APP: variants seen among roughly 807,000 people sequenced by gnomAD.
The protein encoded by APP is amyloid-beta precursor protein.
APP carries 31 observed loss-of-function variants against 101.4 expected under a neutral mutation model. The observed-to-expected ratio is 0.31, with a 90% CI of 0.23 to 0.41. The LOEUF (loss-of-function observed/expected upper bound fraction) is 0.41. Among genes scored for constraint, APP ranks in the 10% least tolerant of loss-of-function variants. The pLI, the probability that APP is intolerant of heterozygous loss-of-function variation, is 1.00. For missense variants in APP, 839 were observed against 1,003.7 expected, an observed-to-expected ratio of 0.84 and a Z score of 2.22; for synonymous variants, 366 against 364.4, an observed-to-expected ratio of 1.00 and a Z score of -0.05.
In APP at chr21:26,170,668, C is replaced by A; in HGVS notation, c.-48G>T. 6.6e-7 allele frequency: 1 copy of A among 1,510,702 alleles called. No individual in the cohort carries two copies. The highest frequency in any genetic ancestry group is 8.8e-7 in the Non-Finnish European group (1 of 1,134,812). The allele number at this position is 1,510,702 out of a possible 1,614,324, so 93.6% of individuals were successfully genotyped here. A position where few individuals can be genotyped will look rare whatever the true frequency, so the allele number is the denominator to read the frequency against. ...AGTGCGCTGCTGTGCGAGTGGGATC[C>A]GCCGCGTCCTTGCTCTGCCCGCGCC... On this transcript the variant is annotated 5_prime_UTR_variant, in exon 1 of 18. Coordinates refer to ENST00000346798, the MANE Select transcript of APP (RefSeq NM_000484.4).
intron 1 of APP, among the ~76,000 whole-genome samples, chr21:26,121,474 A>T (rs2062569384): frequency 6.6e-6 from 1 of 151,556 alleles, no homozygotes; most frequent in Non-Finnish European, 1.5e-5. Flanking sequence ...TGCAACCTCC[A>T]CTTCCCTGGT....
chr21:26,111,087 T>TAAAAAAAAAAAAAAAA (rs576900084), intron 2 of APP, among the ~76,000 whole-genome samples: 1 of 88,478 alleles, frequency 1.1e-5, no homozygotes, highest in Non-Finnish European at 2.2e-5. Flanking sequence ...AAAGTTAAGT[T>TAAAAAAAAAAAAAAAA]AAAAAAAAAA....
At chr21:26,110,450 A>C (rs56034894) in intron 2 of APP, among the ~76,000 whole-genome samples, 20,346 of 152,170 alleles carry the variant, frequency 0.13, 1,762 homozygotes, top group Admixed American at 0.27. Context: ...CATCTCAAAA[A>C]AAAACAAAAC....
intron 5 of APP, among the ~76,000 whole-genome samples, chr21:26,048,740 T>C (rs942583261): frequency 4.2e-4 from 64 of 152,316 alleles, no homozygotes; most frequent in African/African-American, 1.2e-3. Flanking sequence ...AAGGGTAGTA[T>C]AGCAGAGCAA....
At chr21:26,069,204 A>G (rs1453708128) in intron 3 of APP, among the ~76,000 whole-genome samples, 1 of 152,164 alleles carries the variant, frequency 6.6e-6, no homozygotes, top group East Asian at 1.9e-4. Context: ...CTTTCTCAAT[A>G]GATACTTATC....
chr21:26,150,618 CAGAT>C (rs549065806), intron 1 of APP, among the ~76,000 whole-genome samples: 2 of 151,004 alleles, frequency 1.3e-5, no homozygotes, highest in African/African-American at 2.4e-5. Context: ...GATAGATAGA[CAGAT>C]AGATAGACAG....
At chr21:25,997,517 C>T (rs1036126493) in intron 7 of APP, 101 bp from the exon 8 acceptor site, 14 of 1,021,138 alleles carry the variant, frequency 1.4e-5, no homozygotes, top group Admixed American at 5.5e-5. Flanking sequence ...ACCTAACAAA[C>T]AAAATCACTC....
chr21:25,897,260 T>C (rs370986650), intron 16 of APP, among the ~76,000 whole-genome samples: 17 of 152,130 alleles, frequency 1.1e-4, no homozygotes, highest in South Asian at 2.1e-4. Context: ...CTACAGGTGT[T>C]TGCCACCACA....
chr21:26,158,787 T>C (rs2063426153), intron 1 of APP, among the ~76,000 whole-genome samples: 1 of 152,156 alleles, frequency 6.6e-6, no homozygotes, highest in African/African-American at 2.4e-5. Context: ...CCCACCCCAG[T>C]TCACCTTCAC....
At position 26,082,228 on chromosome 21, in the gene APP, A is replaced by AT. The variant is rs747290916; in HGVS notation, c.355+7714dup. ...GAGTGAAACTCCATCTCAAAAATGA[A>AT]TAAAATAAATAAATAAATAAATAAT... On this transcript the variant is annotated intron_variant, in intron 3 of 17. Transcript: ENST00000346798. Among the ~76,000 whole-genome samples the AT allele has an allele frequency of 1.5e-3, 218 of 140,762 alleles. 1 individual carries two copies. The highest frequency in any genetic ancestry group is 1.9e-3 in the Admixed American group (25 of 13,386). The allele number at this position is 140,762 out of a possible 152,430, so 92.3% of individuals were successfully genotyped here.
chr21:25,975,847 A>C, intron 10 of APP, 107 bp downstream of exon 10: 1 of 879,528 alleles, frequency 1.1e-6, no homozygotes. Flanking sequence ...TCATGGGACT[A>C]TGAACAATCA....
At chr21:26,075,349 CTACTTATTCACAATA>C (rs1161826014) in intron 3 of APP, among the ~76,000 whole-genome samples, 10 of 152,196 alleles carry the variant, frequency 6.6e-5, no homozygotes, top group African/African-American at 9.7e-5. Flanking sequence ...GCATCATGCA[CTACTTATTCACAATA>C]TAGCTGCACA....
intron 1 of APP, among the ~76,000 whole-genome samples, chr21:26,164,182 T>A (rs530446758): frequency 6.6e-6 from 1 of 152,176 alleles, no homozygotes. Context: ...GAGGCGGAGA[T>A]TGCAGTGAGC....
chr21:26,025,738 C>T (rs1269752120), intron 5 of APP, among the ~76,000 whole-genome samples: 7 of 152,290 alleles, frequency 4.6e-5, no homozygotes, highest in Admixed American at 2.6e-4. Flanking sequence ...TAACCAGGAA[C>T]GGAGACACGT....
intron 13 of APP, chr21:25,934,806 A>G (rs999921331): frequency 6.6e-6 from 1 of 152,188 alleles, no homozygotes; most frequent in Non-Finnish European, 1.5e-5. Flanking sequence ...GAGCTCTATG[A>G]TAATAGTCTA....
chr21:26,140,372 C>T, intron 1 of APP: 1 of 1,480,116 alleles, frequency 6.8e-7, no homozygotes, highest in Non-Finnish European at 8.9e-7. Flanking sequence ...CTACCACGCA[C>T]AGCAAGGCTG....
intron 3 of APP, among the ~76,000 whole-genome samples, chr21:26,084,428 C>T (rs1568953793): frequency 6.6e-6 from 1 of 152,078 alleles, no homozygotes; most frequent in South Asian, 2.1e-4. Context: ...TTAGTAGAGA[C>T]GGGGTTTCAC....
intron 3 of APP, among the ~76,000 whole-genome samples, chr21:26,078,285 T>C (rs1313885227): frequency 6.6e-6 from 1 of 152,334 alleles, no homozygotes; most frequent in South Asian, 2.1e-4. Flanking sequence ...ATTATAAAGA[T>C]ATGCTGTACC....
intron 1 of APP, among the ~76,000 whole-genome samples, chr21:26,132,060 C>A (rs2062808521): frequency 6.6e-6 from 1 of 151,824 alleles, no homozygotes; most frequent in Admixed American, 6.6e-5. Flanking sequence ...TAAACAGAGT[C>A]AGTTAAAAAA....
Sources: allele counts gnomAD v4.1 joint callset (sites outside exome capture counted in the v4.1 genomes callset), GRCh38; gene constraint gnomAD v4.1.1; transcripts MANE v1.5; gene names NCBI Gene and HGNC (gene_info 2026-07-23, HGNC 2026-07-21).